ABCC4: variants seen among roughly 807,000 people sequenced by gnomAD.
ABCC4 encodes the protein ATP binding cassette subfamily C member 4 (PEL blood group), also known as ATP-binding cassette sub-family C member 4.
A neutral mutation model predicts 168.5 loss-of-function variants in ABCC4; 102 were observed. The observed-to-expected ratio is 0.61, with a 90% CI of 0.52 to 0.71. The LOEUF (loss-of-function observed/expected upper bound fraction) is 0.71, where lower values mean the gene tolerates loss of function less well. Among genes scored for constraint, ABCC4 ranks in the 30% least tolerant of loss-of-function variants. The pLI, the probability that ABCC4 is intolerant of heterozygous loss-of-function variation, is 0.00. For synonymous variants in ABCC4, 617 were observed against 590.7 expected (o/e 1.04, Z -0.65); for missense variants, 1,402 against 1,605.8 (o/e 0.87, Z 2.17).
rs141789692 is a variant in ABCC4, at chr13:95,129,443, A to G, written c.2456-13442T>C. Among the ~76,000 whole-genome samples, 685 of 152,316 alleles carry G rather than the reference A, an allele frequency of 4.5e-3. 10 individuals are homozygous for G. Among genetic ancestry groups the G allele is most frequent in the Non-Finnish European group, 4.0e-3 (270 of 68,032 alleles). On this transcript the variant is annotated intron_variant, in intron 19 of 30. Transcript: ENST00000645237. ...TGTATTATTTTTTCAGATGGACTGC[A>G]AATATAATGGACATGTTGTGGATAT... is the stretch of plus-strand genomic sequence containing the variant.
At chr13:95,066,333 AC>A (rs1214127035) in intron 25 of ABCC4, among the ~76,000 whole-genome samples, 3 of 152,178 alleles carry the variant, frequency 2.0e-5, no homozygotes, top group African/African-American at 4.8e-5. Flanking sequence ...TCTTTTCTAA[AC>A]AGCCATAAAA....
Position 95,021,503 on chromosome 13 carries a change from T to A in ABCC4, c.*72A>T. 9.4e-7 allele frequency: 1 copy of A among 1,061,370 alleles called. No individual in the cohort carries two copies. The highest frequency in any genetic ancestry group is 2.4e-5 in the East Asian group (1 of 41,664). 65.7% of individuals were successfully genotyped at this position (1,061,370 alleles called of 1,614,324 possible). ...TATTTGTTGCCAAAGTAAAAAAAAG[T>A]ACAATGTGGTTTACATAGTCCAAAA... is the stretch of plus-strand genomic sequence containing the variant. On this transcript the variant is annotated 3_prime_UTR_variant, in exon 31 of 31. Coordinates refer to ENST00000645237, the MANE Select transcript of ABCC4 (RefSeq NM_005845.5).
At chr13:95,100,374 G>C (rs1367453945) in intron 20 of ABCC4, among the ~76,000 whole-genome samples, 1 of 152,124 alleles carries the variant, frequency 6.6e-6, no homozygotes, top group Non-Finnish European at 1.5e-5. Flanking sequence ...GGGAAGCCTG[G>C]GAGGGTCCCC....
intron 15 of ABCC4, among the ~76,000 whole-genome samples, chr13:95,164,864 T>C (rs1176530827): frequency 2.0e-5 from 3 of 152,062 alleles, no homozygotes; most frequent in Non-Finnish European, 4.4e-5. Context: ...CTGGCTAATT[T>C]TTTGTATTTT....
chr13:95,268,858 C>T (rs1020845637), intron 1 of ABCC4, among the ~76,000 whole-genome samples: 4 of 151,868 alleles, frequency 2.6e-5, no homozygotes, highest in Admixed American at 6.6e-5. Flanking sequence ...CGGGTCCTGG[C>T]GCGGGTTCTC....
At chr13:95,205,257 C>T (rs543287291) in intron 8 of ABCC4, among the ~76,000 whole-genome samples, 1 of 152,238 alleles carries the variant, frequency 6.6e-6, no homozygotes, top group Admixed American at 6.5e-5. Flanking sequence ...CTGGGTAACA[C>T]AGCAAGATCT....
At chr13:95,048,450 T>C (rs887062607) in intron 27 of ABCC4, among the ~76,000 whole-genome samples, 1 of 152,256 alleles carries the variant, frequency 6.6e-6, no homozygotes, top group Non-Finnish European at 1.5e-5. Flanking sequence ...CTTTGAACTT[T>C]CTGACTTTTC....
chr13:95,195,995 C>T (rs1263227940), intron 8 of ABCC4, among the ~76,000 whole-genome samples: 8 of 152,112 alleles, frequency 5.3e-5, no homozygotes, highest in South Asian at 2.1e-4. Context: ...ACCAATCTCT[C>T]GCTTATTGCT....
intron 1 of ABCC4, among the ~76,000 whole-genome samples, chr13:95,267,830 G>A (rs1429529117): frequency 6.6e-6 from 1 of 152,204 alleles, no homozygotes; most frequent in African/African-American, 2.4e-5. Context: ...TGTGATGAGA[G>A]GGCTGGGCTT....
chr13:95,099,466 G>A (rs1029237908), intron 20 of ABCC4, among the ~76,000 whole-genome samples: 8 of 152,016 alleles, frequency 5.3e-5, no homozygotes, highest in Non-Finnish European at 7.4e-5. Context: ...AAAAACTGTC[G>A]ATTTTATTGT....
intron 20 of ABCC4, among the ~76,000 whole-genome samples, chr13:95,101,150 C>T (rs1005886380): frequency 1.3e-5 from 2 of 152,134 alleles, no homozygotes; most frequent in Non-Finnish European, 2.9e-5. Context: ...ACTGAGGACA[C>T]CTCCTTCACA....
At chr13:95,082,722 C>A (rs2034136224) in intron 21 of ABCC4, among the ~76,000 whole-genome samples, 1 of 152,124 alleles carries the variant, frequency 6.6e-6, no homozygotes, top group African/African-American at 2.4e-5. Context: ...TTTTTAGTAT[C>A]TTCGGGGAAA....
chr13:95,115,483 A>T (rs1231848694), intron 20 of ABCC4, among the ~76,000 whole-genome samples: 1 of 136,644 alleles, frequency 7.3e-6, no homozygotes, highest in Non-Finnish European at 1.5e-5. Flanking sequence ...CTTTGTAAGT[A>T]ACCACACCTG....
At chr13:95,076,261 C>T (rs951882131) in intron 21 of ABCC4, among the ~76,000 whole-genome samples, 2 of 152,168 alleles carry the variant, frequency 1.3e-5, no homozygotes, top group South Asian at 2.1e-4. Context: ...CTCCAGGAAC[C>T]GGACAGATGT....
chr13:95,289,994 G>A (rs2138946649), intron 1 of ABCC4, among the ~76,000 whole-genome samples: 1 of 152,172 alleles, frequency 6.6e-6, no homozygotes, highest in South Asian at 2.1e-4. Flanking sequence ...TACTCAGGAG[G>A]CTAAGGCAGG....
At chr13:95,159,134 A>ATATATATATATATATAG (rs2036998473) in intron 19 of ABCC4, among the ~76,000 whole-genome samples, 1 of 46,396 alleles carries the variant, frequency 2.2e-5, no homozygotes, top group Non-Finnish European at 5.7e-5. Flanking sequence ...TATATATATA[A>ATATATATATATATATAG]CTATTGAAGT....
intron 21 of ABCC4, among the ~76,000 whole-genome samples, chr13:95,079,461 CAAG>C (rs1204672962): frequency 6.6e-6 from 1 of 152,150 alleles, no homozygotes; most frequent in Non-Finnish European, 1.5e-5. Flanking sequence ...CCCGTATGTT[CAAG>C]GTTTCCAAGC....
chr13:95,061,156 A>T (rs2033275920), intron 26 of ABCC4, among the ~76,000 whole-genome samples: 1 of 152,218 alleles, frequency 6.6e-6, no homozygotes, highest in African/African-American at 2.4e-5. Flanking sequence ...GGCGATGGAC[A>T]CGAGCTATTT....
chr13:95,228,228 C>G (rs1010510270), intron 4 of ABCC4, among the ~76,000 whole-genome samples: 1 of 152,104 alleles, frequency 6.6e-6, no homozygotes. Flanking sequence ...GGGATGCAGC[C>G]AGAGAGCTAC....
Sources: gnomAD v4.1 joint callset for allele counts (sites outside exome capture counted in the v4.1 genomes callset) on GRCh38, gnomAD v4.1.1 for gene constraint, MANE v1.5 for transcripts, NCBI Gene and HGNC (gene_info 2026-07-23, HGNC 2026-07-21) for gene names.